SLC24A3: variants seen among roughly 807,000 people sequenced by gnomAD.
The protein encoded by SLC24A3 is sodium/potassium/calcium exchanger 3.
In SLC24A3, 28 loss-of-function variants were observed where a neutral mutation model predicts 75.8. The ratio of observed to expected loss-of-function variants is 0.37; its 90% confidence interval spans 0.27 to 0.51. The LOEUF is 0.51. Among genes scored for constraint, SLC24A3 ranks in the 20% least tolerant of loss-of-function variants. The probability of loss-of-function intolerance (pLI) is 0.94; values close to 1 mark genes in which losing one functional copy is unlikely to be tolerated. For missense variants in SLC24A3, 663 were observed against 847.8 expected, an observed-to-expected ratio of 0.78 and a Z score of 2.71; for synonymous variants, 372 against 334.1, an observed-to-expected ratio of 1.11 and a Z score of -1.24.
At chr20:19,486,662 T>A (rs1568631971) in intron 2 of SLC24A3, among the ~76,000 whole-genome samples, 1 of 152,174 alleles carries the variant, frequency 6.6e-6, no homozygotes, top group Non-Finnish European at 1.5e-5. Context: ...CTCCACTTCA[T>A]GAGGGTTATT....
intron 6 of SLC24A3, among the ~76,000 whole-genome samples, chr20:19,643,641 G>A (rs2032100419): frequency 6.6e-6 from 1 of 152,190 alleles, no homozygotes. Context: ...GTGTAATAAT[G>A]TATGTAATTT....
At position 19,327,258 on chromosome 20, in the gene SLC24A3, G is replaced by A. The variant is rs574734435; in HGVS notation, c.271+46171G>A. Among the ~76,000 whole-genome samples the A allele has an allele frequency of 9.2e-5, 14 of 152,292 alleles. No homozygotes were observed. In the South Asian group the frequency reaches 1.5e-3, roughly 16 times the overall value. On this transcript the variant is annotated intron_variant, in intron 2 of 16. Transcript: ENST00000328041. ...CTCCCGTGTGTCCTCACTCCATGGC[G>A]GGGCAGGGAGAGTGACGGAGCAGCA...
At position 19,346,222 on chromosome 20, in the gene SLC24A3, G is replaced by GTATATATGGTATATATATGGTGTATA. The variant is rs1568595798; in HGVS notation, c.271+65153_271+65154insGGTGTATATATATATGGTATATATAT. 2.6e-3 allele frequency among the ~76,000 whole-genome samples: 74 copies of GTATATATGGTATATATATGGTGTATA among 27,940 alleles called. 21 individuals carry two copies. In the African/African-American group the frequency reaches 0.032, roughly 12 times the overall value. 18.3% of individuals were successfully genotyped at this position (27,940 alleles called of 152,430 possible). A position where few individuals can be genotyped will look rare whatever the true frequency, so the allele number is the denominator to read the frequency against. ...TATGGTATATATATATGGTGTATATGTATATATGGTATATATATATGGTGT... is the reference window on the plus strand; with the variant it reads ...TATGGTATATATATATGGTGTATATGTATATATGGTATATATATGGTGTATATATATATGGTATATATATATGGTGT... On this transcript the variant is annotated intron_variant, in intron 2 of 16. Transcript: ENST00000328041.
chr20:19,486,489 G>T (rs905402283), intron 2 of SLC24A3, among the ~76,000 whole-genome samples: 2 of 152,196 alleles, frequency 1.3e-5, no homozygotes, highest in Non-Finnish European at 2.9e-5. Context: ...TCTGCCTGCT[G>T]GTGAGATAAA....
chr20:19,651,250 A>G (rs1454415285), intron 6 of SLC24A3, among the ~76,000 whole-genome samples: 1 of 151,360 alleles, frequency 6.6e-6, no homozygotes, highest in Non-Finnish European at 1.5e-5. Context: ...CTCATTTTTA[A>G]TTAATAATTT....
At chr20:19,653,402 G>C (rs1450032296) in intron 6 of SLC24A3, among the ~76,000 whole-genome samples, 1 of 152,206 alleles carries the variant, frequency 6.6e-6, no homozygotes, top group Non-Finnish European at 1.5e-5. Flanking sequence ...ATCTTTCAAA[G>C]ATTCTGATTA....
chr20:19,471,243 T>A (rs942379273), intron 2 of SLC24A3, among the ~76,000 whole-genome samples: 1 of 152,304 alleles, frequency 6.6e-6, no homozygotes, highest in Middle Eastern at 3.4e-3. Context: ...GCACCTCTCG[T>A]CCATGAGAGA....
chr20:19,357,229 G>A (rs956524338), intron 2 of SLC24A3, among the ~76,000 whole-genome samples: 1 of 152,184 alleles, frequency 6.6e-6, no homozygotes, highest in African/African-American at 2.4e-5. Flanking sequence ...GCTGAGACAG[G>A]CAAGGAACAG....
chr20:19,604,019 G>A (rs1179322934), intron 6 of SLC24A3, among the ~76,000 whole-genome samples: 2 of 152,326 alleles, frequency 1.3e-5, no homozygotes, highest in East Asian at 1.9e-4. Flanking sequence ...GCAGCACAGT[G>A]TGGTCCAGTC....
intron 2 of SLC24A3, among the ~76,000 whole-genome samples, chr20:19,310,560 G>T (rs1218655904): frequency 1.3e-5 from 2 of 152,178 alleles, no homozygotes; most frequent in East Asian, 3.9e-4. Context: ...TGGAAGGTCC[G>T]GGTTGCTTCA....
At chr20:19,294,213 G>A (rs183137349) in intron 2 of SLC24A3, among the ~76,000 whole-genome samples, 1 of 151,670 alleles carries the variant, frequency 6.6e-6, no homozygotes, top group East Asian at 1.9e-4. Flanking sequence ...ATCTATAAAT[G>A]GAAATCAAAC....
rs752933527 is a variant in SLC24A3, at chr20:19,716,540, A to G, written c.1720-988A>G. ...TCCATCACCACAGAAAGTTCTGCTC[A>G]TCAGTGCTATTCTATAGAAACTCCA... is the stretch of plus-strand genomic sequence containing the variant. On this transcript the variant is annotated intron_variant, in intron 15 of 16. Coordinates refer to ENST00000328041, the MANE Select transcript of SLC24A3 (RefSeq NM_020689.4). Among the ~76,000 whole-genome samples, 6 of 152,136 alleles carry G rather than the reference A, an allele frequency of 3.9e-5. No homozygotes were observed. In the Middle Eastern group the frequency reaches 0.01, roughly 259 times the overall value.
intron 6 of SLC24A3, among the ~76,000 whole-genome samples, chr20:19,635,948 G>A (rs2031996275): frequency 6.6e-6 from 1 of 152,130 alleles, no homozygotes; most frequent in Non-Finnish European, 1.5e-5. Context: ...AGACCATCCT[G>A]GCTAACACGG....
At chr20:19,711,523 AAC>A (rs537125265) in intron 15 of SLC24A3, among the ~76,000 whole-genome samples, 16 of 146,320 alleles carry the variant, frequency 1.1e-4, no homozygotes, top group East Asian at 6.3e-4. Context: ...CATGCAGGCA[AAC>A]ACACACATGC....
intron 2 of SLC24A3, among the ~76,000 whole-genome samples, chr20:19,450,227 C>G (rs1350228414): frequency 6.6e-6 from 1 of 152,184 alleles, no homozygotes; most frequent in African/African-American, 2.4e-5. Flanking sequence ...TCTCCACAGA[C>G]AGTAAACTGG....
intron 6 of SLC24A3, among the ~76,000 whole-genome samples, chr20:19,653,185 C>T (rs530789386): frequency 6.6e-6 from 1 of 152,312 alleles, no homozygotes; most frequent in African/African-American, 2.4e-5. Flanking sequence ...ACAGCTCTTT[C>T]CCCTCTCCTC....
Position 19,654,147 on chromosome 20 carries a change from C to T in SLC24A3, c.687+11C>T. The T allele has an allele frequency of 6.2e-7, 1 of 1,612,528 alleles. No homozygotes were observed. Among genetic ancestry groups the T allele is most frequent in the Non-Finnish European group, 8.5e-7 (1 of 1,178,694 alleles). On this transcript the variant is annotated intron_variant, in intron 7 of 16. Transcript: ENST00000328041. ...ATCGCGCTCATCGTGGTGAGTCACT[C>T]TGGCCATTTCAGCTCCCATCAGTGC... is the stretch of plus-strand genomic sequence containing the variant.
chr20:19,673,595 A>G lies in SLC24A3; in HGVS notation c.714-6A>G, dbSNP rs778616147. ...CTGTCTTTAACTGTTCTTGGTTTAC[A>G]CACAGGTGGGAGTCTTTAGTCCTTG... On this transcript the variant is annotated splice_polypyrimidine_tract_variant and splice_region_variant and intron_variant, in intron 8 of 16. Coordinates refer to ENST00000328041, the MANE Select transcript of SLC24A3 (RefSeq NM_020689.4). 4 of 1,613,738 alleles carry G rather than the reference A, an allele frequency of 2.5e-6. No individual in the cohort carries two copies. Among genetic ancestry groups the G allele is most frequent in the Non-Finnish European group, 3.4e-6 (4 of 1,179,738 alleles).
At position 19,559,526 on chromosome 20, in the gene SLC24A3, A is replaced by G. The variant is rs529706527; in HGVS notation, c.349-20474A>G. Reference sequence around the variant, plus strand: ...AATCTTTTTTCTTTCCTAGTTTTTCATTTTCCTTTTGTGTGTTCTATGTAA... The same window carrying G: ...AATCTTTTTTCTTTCCTAGTTTTTCGTTTTCCTTTTGTGTGTTCTATGTAA... On this transcript the variant is annotated intron_variant, in intron 3 of 16. Coordinates refer to ENST00000328041, the MANE Select transcript of SLC24A3 (RefSeq NM_020689.4). Among the ~76,000 whole-genome samples, 3 of 151,200 alleles carry G rather than the reference A, an allele frequency of 2.0e-5. No individual in the cohort carries two copies. The East Asian group carries it at 5.8e-4, about 29-fold the overall frequency.
Sources: gnomAD v4.1 joint callset for allele counts (sites outside exome capture counted in the v4.1 genomes callset) on GRCh38, gnomAD v4.1.1 for gene constraint, MANE v1.5 for transcripts, NCBI Gene and HGNC (gene_info 2026-07-23, HGNC 2026-07-21) for gene names.